SNTG1: variants seen among roughly 807,000 people sequenced by gnomAD.
The protein encoded by SNTG1 is gamma-1-syntrophin.
Under a neutral mutation model 74.7 loss-of-function variants are expected in SNTG1, and 39 were observed. That is an observed-to-expected ratio of 0.52 (90% confidence interval 0.40 to 0.68). The LOEUF is 0.68. SNTG1 is among the 30% of genes least tolerant of loss of function. SNTG1 has a pLI of 0.00. For missense variants in SNTG1, 685 were observed against 609.5 expected (o/e 1.12, Z -1.30); for synonymous variants, 254 against 217.1 (o/e 1.17, Z -1.49).
At chr8:50,211,482 A>G (rs1428219622) in intron 2 of SNTG1, among the ~76,000 whole-genome samples, 1 of 152,058 alleles carries the variant, frequency 6.6e-6, no homozygotes. Context: ...ATCTTTCTTA[A>G]TCCTGAGAGC....
At chr8:50,013,889 C>A (rs551159076) in intron 1 of SNTG1, among the ~76,000 whole-genome samples, 1 of 152,192 alleles carries the variant, frequency 6.6e-6, no homozygotes, top group East Asian at 1.9e-4. Flanking sequence ...GAAAACATTG[C>A]AGAATGGCAG....
intron 15 of SNTG1, among the ~76,000 whole-genome samples, chr8:50,689,915 T>A (rs1352648607): frequency 6.6e-6 from 1 of 152,172 alleles, no homozygotes; most frequent in Non-Finnish European, 1.5e-5. Flanking sequence ...GATTATTGCG[T>A]CAATTTCAGA....
At position 50,457,177 on chromosome 8, in the gene SNTG1, A is replaced by G. The variant is rs556734569; in HGVS notation, c.363+6448A>G. The G allele has an allele frequency of 3.9e-5, 6 of 152,300 alleles. No individual in the cohort carries two copies. In the East Asian group the frequency reaches 9.7e-4, roughly 25 times the overall value. The allele number at this position is 152,300 out of a possible 1,614,324, so 9.4% of individuals were successfully genotyped here. A position where few individuals can be genotyped will look rare whatever the true frequency, so the allele number is the denominator to read the frequency against. On this transcript the variant is annotated intron_variant, in intron 8 of 18. Transcript: ENST00000642720. ...CTCATCTGAAGGATTAAGAGGTCGCAGTAGATTATTGCTTAGGTCTTTTTC... is the reference window on the plus strand; with the variant it reads ...CTCATCTGAAGGATTAAGAGGTCGCGGTAGATTATTGCTTAGGTCTTTTTC...
intron 4 of SNTG1, among the ~76,000 whole-genome samples, chr8:50,418,299 C>T (rs2131437823): frequency 6.6e-6 from 1 of 152,150 alleles, no homozygotes; most frequent in East Asian, 1.9e-4. Flanking sequence ...GTGTTTTCAA[C>T]ACCACTGACA....
intron 1 of SNTG1, among the ~76,000 whole-genome samples, chr8:49,974,938 A>T (rs1378998703): frequency 6.6e-6 from 1 of 152,126 alleles, no homozygotes; most frequent in African/African-American, 2.4e-5. Flanking sequence ...TGTGACTAAC[A>T]TTCCAATTGC....
At chr8:50,416,239 C>T (rs891803701) in intron 4 of SNTG1, among the ~76,000 whole-genome samples, 3 of 152,088 alleles carry the variant, frequency 2.0e-5, no homozygotes, top group East Asian at 1.9e-4. Flanking sequence ...ATCATTTGCT[C>T]GCACACTAAA....
chr8:50,710,359 T>A (rs1289460305), intron 17 of SNTG1, among the ~76,000 whole-genome samples: 1 of 152,058 alleles, frequency 6.6e-6, no homozygotes, highest in Non-Finnish European at 1.5e-5. Context: ...GTTCATCAAA[T>A]CAAGATAGGC....
At chr8:50,379,659 A>C (rs2092449176) in intron 2 of SNTG1, among the ~76,000 whole-genome samples, 1 of 152,230 alleles carries the variant, frequency 6.6e-6, no homozygotes. Flanking sequence ...GCTGCTGCCA[A>C]CAGTAATAAT....
At chr8:50,600,973 T>A (rs1275549081) in intron 13 of SNTG1, among the ~76,000 whole-genome samples, 8 of 151,442 alleles carry the variant, frequency 5.3e-5, no homozygotes, top group Admixed American at 4.6e-4. Context: ...ATTGAGACCA[T>A]CCTGGCCAAC....
intron 2 of SNTG1, 29 bp from the exon 3 acceptor site, chr8:50,394,183 A>T: frequency 6.3e-7 from 1 of 1,590,440 alleles, no homozygotes; most frequent in Middle Eastern, 1.7e-4. Context: ...TGCTGTGCCT[A>T]ATGGCTTACC....
intron 1 of SNTG1, among the ~76,000 whole-genome samples, chr8:49,944,962 G>A (rs1192017849): frequency 6.6e-6 from 1 of 151,920 alleles, no homozygotes; most frequent in Non-Finnish European, 1.5e-5. Context: ...TAATTTTTTT[G>A]TATTTTTAGT....
chr8:50,406,428 T>C (rs887588197), intron 4 of SNTG1, among the ~76,000 whole-genome samples: 13 of 152,160 alleles, frequency 8.5e-5, no homozygotes, highest in African/African-American at 3.1e-4. Context: ...GTTCTAATAG[T>C]TTATTGCGGA....
At chr8:50,365,381 T>A (rs2092080867) in intron 2 of SNTG1, among the ~76,000 whole-genome samples, 1 of 152,102 alleles carries the variant, frequency 6.6e-6, no homozygotes, top group African/African-American at 2.4e-5. Context: ...CTTTTATGTT[T>A]GTCATTTATT....
intron 2 of SNTG1, chr8:50,286,436 T>C (rs940305994): frequency 3.3e-5 from 5 of 152,208 alleles, no homozygotes; most frequent in Non-Finnish European, 1.5e-5. Context: ...TTATGATCCC[T>C]GATTCACTCA....
intron 2 of SNTG1, among the ~76,000 whole-genome samples, chr8:50,203,270 C>A (rs2084061728): frequency 6.6e-6 from 1 of 152,068 alleles, no homozygotes; most frequent in Non-Finnish European, 1.5e-5. Context: ...ATTTACATTA[C>A]CCATCTGTTC....
chr8:50,497,367 T>G (rs1298463948), intron 8 of SNTG1, among the ~76,000 whole-genome samples: 1 of 152,012 alleles, frequency 6.6e-6, no homozygotes, highest in African/African-American at 2.4e-5. Flanking sequence ...TATTTCTTTT[T>G]GTTTAATCCT....
chr8:50,735,841 GA>G (rs2095527144), intron 17 of SNTG1, among the ~76,000 whole-genome samples: 1 of 152,012 alleles, frequency 6.6e-6, no homozygotes, highest in South Asian at 2.1e-4. Context: ...AGGTTGAAAT[GA>G]AGGAAAAAAT....
intron 1 of SNTG1, among the ~76,000 whole-genome samples, chr8:50,107,907 A>T (rs569967374): frequency 7.4e-4 from 112 of 152,280 alleles, no homozygotes; most frequent in African/African-American, 2.6e-3. Flanking sequence ...ATGAAATGAG[A>T]AAATGTGTAA....
chr8:50,537,891 G>C (rs73676191), intron 11 of SNTG1, among the ~76,000 whole-genome samples: 7,016 of 152,150 alleles, frequency 0.046, 564 homozygotes, highest in African/African-American at 0.16. Flanking sequence ...CAGGTGGCAG[G>C]CTAGATTTGT....
Sources: gnomAD v4.1 joint callset for allele counts (sites outside exome capture counted in the v4.1 genomes callset) on GRCh38, gnomAD v4.1.1 for gene constraint, MANE v1.5 for transcripts, NCBI Gene and HGNC (gene_info 2026-07-23, HGNC 2026-07-21) for gene names.